GABRA5: variants seen among roughly 807,000 people sequenced by gnomAD.
The protein encoded by GABRA5 is gamma-aminobutyric acid receptor subunit alpha-5.
Under a neutral mutation model 47.3 loss-of-function variants are expected in GABRA5, and 18 were observed. The ratio of observed to expected loss-of-function variants is 0.38; its 90% confidence interval spans 0.26 to 0.56. The LOEUF is 0.56. Ranked by LOEUF, GABRA5 falls within the 20% of genes least tolerant of loss-of-function variation. The pLI, the probability that GABRA5 is intolerant of heterozygous loss-of-function variation, is 0.71. For synonymous variants in GABRA5, 237 were observed against 229.3 expected, an observed-to-expected ratio of 1.03 and a Z score of -0.30; for missense variants, 365 against 599.3, an observed-to-expected ratio of 0.61 and a Z score of 4.08.
intron 6 of GABRA5, among the ~76,000 whole-genome samples, chr15:26,909,745 G>A (rs190125239): frequency 6.6e-6 from 1 of 152,238 alleles, no homozygotes; most frequent in Non-Finnish European, 1.5e-5. Flanking sequence ...GGAGAATCCA[G>A]GATTATCTCT....
At chr15:26,888,704 T>A (rs1462578282) in intron 6 of GABRA5, among the ~76,000 whole-genome samples, 3 of 152,188 alleles carry the variant, frequency 2.0e-5, no homozygotes, top group Non-Finnish European at 2.9e-5. Flanking sequence ...ATAAAGAGCA[T>A]ATAGAGATAA....
chr15:26,871,442 G>A (rs1262917687), intron 3 of GABRA5, among the ~76,000 whole-genome samples: 2 of 152,194 alleles, frequency 1.3e-5, no homozygotes, highest in African/African-American at 4.8e-5. Flanking sequence ...CACTGAGTAA[G>A]TGGTAAAATA....
At chr15:26,877,677 C>T (rs1423478698) in intron 3 of GABRA5, 1 of 455,524 alleles carries the variant, frequency 2.2e-6, no homozygotes, top group Admixed American at 2.4e-5. Flanking sequence ...AGAAATGACG[C>T]CACAACTTGT....
chr15:26,879,158 A>G (rs1892666289), intron 3 of GABRA5, among the ~76,000 whole-genome samples: 1 of 152,240 alleles, frequency 6.6e-6, no homozygotes, highest in Non-Finnish European at 1.5e-5. Context: ...AATTGGTAAG[A>G]TAAAGAGACA....
At chr15:26,907,037 T>C (rs909173608) in intron 6 of GABRA5, among the ~76,000 whole-genome samples, 3 of 152,212 alleles carry the variant, frequency 2.0e-5, no homozygotes, top group Admixed American at 6.5e-5. Flanking sequence ...CAAAGCACAG[T>C]GAGAAGTTTT....
At chr15:26,889,418 A>G (rs1892951992) in intron 6 of GABRA5, among the ~76,000 whole-genome samples, 1 of 151,622 alleles carries the variant, frequency 6.6e-6, no homozygotes, top group African/African-American at 2.4e-5. Flanking sequence ...CTCTTTTCTA[A>G]TGCAGTATAG....
In GABRA5 at chr15:26,883,566, C is replaced by CG. The variant is rs1566866352; in HGVS notation, c.497+12dup. 47 of 538,588 alleles carry CG rather than the reference C, an allele frequency of 8.7e-5. No individual in the cohort carries two copies. The highest frequency in any genetic ancestry group is 1.5e-4 in the Non-Finnish European group (44 of 287,918). The allele number at this position is 538,588 out of a possible 1,614,324, so 33.4% of individuals were successfully genotyped here. A position where few individuals can be genotyped will look rare whatever the true frequency, so the allele number is the denominator to read the frequency against. On this transcript the variant is annotated intron_variant, in intron 6 of 10. Transcript: ENST00000335625. This position sits in a 1 kb window ranked among gnomAD's most constrained non-coding sequence, Gnocchi z 4.8. ...CTGCTCTACACCATGCGGTGAGCGC[C>CG]GGGCGGGGGCGGGCGGGGCCGGGGG...
intron 7 of GABRA5, among the ~76,000 whole-genome samples, chr15:26,925,886 C>T (rs1261978014): frequency 1.3e-5 from 2 of 152,152 alleles, no homozygotes; most frequent in Non-Finnish European, 2.9e-5. Flanking sequence ...GTGGTTCTCG[C>T]GCTGGAGTTG....
In GABRA5 at chr15:26,934,594, G is replaced by C. The variant is rs528163692; in HGVS notation, c.581-2591G>C. Among the ~76,000 whole-genome samples the C allele has an allele frequency of 3.9e-5, 6 of 152,294 alleles. No individual in the cohort carries two copies. The South Asian group carries it at 1.2e-3, about 32-fold the overall frequency. ...TGATGAAGTACCTACTGTGAGTCAG[G>C]TGCGTGCTAAATACTCGACATTCAC... On this transcript the variant is annotated intron_variant, in intron 7 of 10. Transcript: ENST00000335625.
intron 7 of GABRA5, among the ~76,000 whole-genome samples, chr15:26,930,566 G>T (rs1197612157): frequency 1.3e-5 from 2 of 151,976 alleles, no homozygotes; most frequent in Non-Finnish European, 2.9e-5. Flanking sequence ...CTCATTTTTT[G>T]TCTGAGACCT....
chr15:26,891,245 A>G (rs769811044), intron 6 of GABRA5, among the ~76,000 whole-genome samples: 5 of 152,192 alleles, frequency 3.3e-5, no homozygotes, highest in Non-Finnish European at 7.3e-5. Flanking sequence ...TCCTGACCCC[A>G]CAAAGGCTGC....
intron 7 of GABRA5, among the ~76,000 whole-genome samples, chr15:26,918,805 T>G (rs1226148500): frequency 6.6e-6 from 1 of 152,132 alleles, no homozygotes; most frequent in Non-Finnish European, 1.5e-5. Flanking sequence ...TGAGATACCC[T>G]TTTCCATCCC....
chr15:26,928,510 C>T (rs1395467966), intron 7 of GABRA5, among the ~76,000 whole-genome samples: 2 of 152,112 alleles, frequency 1.3e-5, no homozygotes, highest in African/African-American at 2.4e-5. Context: ...ACCCAATCCC[C>T]AGTGTATTAA....
chr15:26,891,604 C>A (rs529974669), intron 6 of GABRA5, among the ~76,000 whole-genome samples: 13 of 152,286 alleles, frequency 8.5e-5, no homozygotes, highest in African/African-American at 2.6e-4. Flanking sequence ...TTGGTTAAAG[C>A]CCCGGATTCA....
intron 9 of GABRA5, among the ~76,000 whole-genome samples, chr15:26,942,340 T>C (rs1894404373): frequency 6.6e-6 from 1 of 152,186 alleles, no homozygotes; most frequent in Admixed American, 6.5e-5. Flanking sequence ...AAAGTTTTCC[T>C]AGTGGCCACA....
chr15:26,869,081 G>A lies in GABRA5; in HGVS notation c.-74-94G>A, dbSNP rs1409115323. On this transcript the variant is annotated intron_variant, in intron 2 of 10. Coordinates refer to ENST00000335625, the MANE Select transcript of GABRA5 (RefSeq NM_000810.4). ...GGAAGGACAGCGGGCTCCTTTCTTT[G>A]CAAATTGTTGTGATAGCAGTGTGAT... 9 of 582,952 alleles carry A rather than the reference G, an allele frequency of 1.5e-5. No homozygotes were observed. In the Middle Eastern group the frequency reaches 2.3e-3, roughly 150 times the overall value. The allele number at this position is 582,952 out of a possible 1,614,324, so 36.1% of individuals were successfully genotyped here. A position where few individuals can be genotyped will look rare whatever the true frequency, so the allele number is the denominator to read the frequency against.
intron 6 of GABRA5, among the ~76,000 whole-genome samples, chr15:26,903,427 G>C (rs1039822936): frequency 7.9e-5 from 12 of 152,070 alleles, no homozygotes; most frequent in African/African-American, 2.9e-4. Context: ...AAGTGTGCAT[G>C]TCTCTTTATC....
At chr15:26,929,068 C>T (rs1894029544) in intron 7 of GABRA5, among the ~76,000 whole-genome samples, 1 of 152,174 alleles carries the variant, frequency 6.6e-6, no homozygotes, top group African/African-American at 2.4e-5. Flanking sequence ...CACATTCTTC[C>T]CCTGGACACC....
At chr15:26,889,794 C>T (rs137927360) in intron 6 of GABRA5, among the ~76,000 whole-genome samples, 9 of 152,050 alleles carry the variant, frequency 5.9e-5, no homozygotes, top group African/African-American at 1.4e-4. Context: ...TTACAAAGTG[C>T]GGAATATGGT....
Sources: gnomAD v4.1 joint callset for allele counts (sites outside exome capture counted in the v4.1 genomes callset) on GRCh38, gnomAD v4.1.1 for gene constraint, Gnocchi (gnomAD v3.1) non-coding constraint, MANE v1.5 for transcripts, NCBI Gene and HGNC (gene_info 2026-07-23, HGNC 2026-07-21) for gene names.